Variants in FOXP1 observed in about 807,000 individuals in gnomAD.
FOXP1 encodes the protein forkhead box protein P1.
FOXP1 carries 15 observed loss-of-function variants against 98.2 expected under a neutral mutation model. The ratio of observed to expected loss-of-function variants is 0.15; its 90% CI spans 0.10 to 0.24. The LOEUF (loss-of-function observed/expected upper bound fraction) is 0.24. Among genes scored for constraint, FOXP1 ranks in the 10% least tolerant of loss-of-function variants. The pLI, the probability that FOXP1 is intolerant of heterozygous loss-of-function variation, is 1.00. For missense variants in FOXP1, 633 were observed against 848.5 expected, an observed-to-expected ratio of 0.75 and a Z score of 3.15; for synonymous variants, 371 against 314.5, an observed-to-expected ratio of 1.18 and a Z score of -1.90.
intron 6 of FOXP1, among the ~76,000 whole-genome samples, chr3:71,181,976 AG>A (rs2062326928): frequency 6.6e-6 from 1 of 150,696 alleles, no homozygotes; most frequent in South Asian, 2.1e-4. Flanking sequence ...CAGAGCTTGC[AG>A]TGAGCCGAGA....
chr3:71,478,261 T>A (rs2090007486), intron 3 of FOXP1, among the ~76,000 whole-genome samples: 1 of 152,204 alleles, frequency 6.6e-6, no homozygotes, highest in African/African-American at 2.4e-5. Flanking sequence ...AAGCCATGGA[T>A]CCGTAATACC....
chr3:71,562,429 G>C (rs1182708923), intron 2 of FOXP1, among the ~76,000 whole-genome samples: 1 of 152,232 alleles, frequency 6.6e-6, no homozygotes, highest in African/African-American at 2.4e-5. Context: ...TCAGTGGCCA[G>C]GCTGGGGATG....
intron 13 of FOXP1, among the ~76,000 whole-genome samples, chr3:70,994,321 C>A (rs2041060272): frequency 1.3e-5 from 2 of 152,048 alleles, no homozygotes; most frequent in African/African-American, 2.4e-5. Context: ...AAAATCCCAA[C>A]TCCCAGGAAT....
At chr3:71,183,477 C>T (rs112350746) in intron 6 of FOXP1, among the ~76,000 whole-genome samples, 2,846 of 152,136 alleles carry the variant, frequency 0.019, 46 homozygotes, top group Non-Finnish European at 0.03. Flanking sequence ...GCAGTCTGGG[C>T]GACAGAGTAA....
At chr3:71,424,217 T>A (rs774239741) in intron 3 of FOXP1, among the ~76,000 whole-genome samples, 1 of 152,178 alleles carries the variant, frequency 6.6e-6, no homozygotes. Flanking sequence ...GAAGGGACAA[T>A]GATTTTGGCG....
chr3:70,994,640 C>G (rs944296428), intron 13 of FOXP1, among the ~76,000 whole-genome samples: 2 of 152,164 alleles, frequency 1.3e-5, no homozygotes, highest in African/African-American at 4.8e-5. Flanking sequence ...CTATCTGTAT[C>G]CAGTGCTCCC....
chr3:71,288,586 G>C (rs1185224696), intron 5 of FOXP1, among the ~76,000 whole-genome samples: 1 of 152,202 alleles, frequency 6.6e-6, no homozygotes, highest in Non-Finnish European at 1.5e-5. Context: ...CATATTCTAA[G>C]TTAGGGCTAT....
intron 6 of FOXP1, among the ~76,000 whole-genome samples, chr3:71,115,317 T>TTATTTTA (rs1553745321): frequency 1.4e-5 from 2 of 144,140 alleles, no homozygotes; most frequent in South Asian, 2.2e-4. Context: ...ATTATTATTA[T>TTATTTTA]TTTATTTATT....
At chr3:71,545,100 T>G (rs1578117899) in intron 2 of FOXP1, among the ~76,000 whole-genome samples, 3 of 140,058 alleles carry the variant, frequency 2.1e-5, no homozygotes, top group African/African-American at 8.0e-5. Context: ...AAACAATTTT[T>G]TTTTTATTAA....
intron 7 of FOXP1, chr3:71,065,896 G>C (rs1380310300): frequency 6.6e-6 from 1 of 151,848 alleles, no homozygotes; most frequent in African/African-American, 2.4e-5. Context: ...CGACTTAAGC[G>C]TCAGGTTAAT....
At chr3:71,151,520 C>A (rs527718246) in intron 6 of FOXP1, among the ~76,000 whole-genome samples, 3 of 151,960 alleles carry the variant, frequency 2.0e-5, no homozygotes, top group Non-Finnish European at 4.4e-5. Flanking sequence ...GTAAAAGTAA[C>A]CACTTGGGAA....
intron 12 of FOXP1, among the ~76,000 whole-genome samples, chr3:71,013,365 G>A (rs2043947207): frequency 6.6e-6 from 1 of 152,118 alleles, no homozygotes; most frequent in Non-Finnish European, 1.5e-5. Context: ...GCCAGTAATT[G>A]TCACCAATTT....
intron 12 of FOXP1, among the ~76,000 whole-genome samples, chr3:71,007,883 C>A (rs1189479532): frequency 6.6e-6 from 1 of 152,158 alleles, no homozygotes; most frequent in Non-Finnish European, 1.5e-5. Flanking sequence ...CATTTCTGGG[C>A]ATTTTCTTCA....
At chr3:71,336,152 T>C (rs757983867) in intron 4 of FOXP1, among the ~76,000 whole-genome samples, 60 of 149,808 alleles carry the variant, frequency 4.0e-4, no homozygotes, top group Admixed American at 1.0e-3. Flanking sequence ...GAAGTTACAC[T>C]CATGAAAGAC....
At chr3:71,228,864 G>C (rs2106727436) in intron 5 of FOXP1, among the ~76,000 whole-genome samples, 1 of 152,104 alleles carries the variant, frequency 6.6e-6, no homozygotes, top group Non-Finnish European at 1.5e-5. Flanking sequence ...GAAGGGCAAT[G>C]CCACAGCAAA....
intron 5 of FOXP1, among the ~76,000 whole-genome samples, chr3:71,216,729 A>C (rs980267361): frequency 6.6e-6 from 1 of 152,106 alleles, no homozygotes; most frequent in African/African-American, 2.4e-5. Context: ...GCAAAGTATG[A>C]GGGAAAAGGA....
At chr3:70,990,100 C>T (rs1166595692) in intron 13 of FOXP1, among the ~76,000 whole-genome samples, 1 of 152,172 alleles carries the variant, frequency 6.6e-6, no homozygotes, top group Non-Finnish European at 1.5e-5. Flanking sequence ...GAGAGTTATC[C>T]AGGAACCTCA....
intron 6 of FOXP1, among the ~76,000 whole-genome samples, chr3:71,154,021 G>C (rs1431958359): frequency 6.6e-6 from 1 of 151,864 alleles, no homozygotes; most frequent in Non-Finnish European, 1.5e-5. Flanking sequence ...TCTAGATATT[G>C]TGTAATCTAT....
intron 5 of FOXP1, chr3:71,276,207 G>C (rs2070868058): frequency 1.3e-5 from 2 of 152,236 alleles, no homozygotes; most frequent in Admixed American, 6.5e-5. Context: ...CTAAGCTATA[G>C]GGTTACTTTC....
Sources: gnomAD v4.1 joint callset for allele counts (sites outside exome capture counted in the v4.1 genomes callset) on GRCh38, gnomAD v4.1.1 for gene constraint, MANE v1.5 for transcripts, NCBI Gene and HGNC (gene_info 2026-07-23, HGNC 2026-07-21) for gene names.